NACC2: variants seen among roughly 807,000 people sequenced by gnomAD.
The protein encoded by NACC2 is NACC family member 2.
Under a neutral mutation model 25.1 loss-of-function variants are expected in NACC2, and 8 were observed. The ratio of observed to expected loss-of-function variants is 0.32; its 90% confidence interval spans 0.19 to 0.57. NACC2 has a LOEUF of 0.57. Ranked by LOEUF, NACC2 falls within the 20% of genes least tolerant of loss-of-function variation. NACC2 has a pLI of 0.89. For missense variants in NACC2, 644 were observed against 650.2 expected (o/e 0.99, Z 0.10); for synonymous variants, 435 against 294.7 (o/e 1.48, Z -4.88).
chr9:136,090,108 A>C (rs1830419985), intron 1 of NACC2, among the ~76,000 whole-genome samples: 1 of 152,254 alleles, frequency 6.6e-6, no homozygotes, highest in African/African-American at 2.4e-5. Flanking sequence ...CTGATTTTTT[A>C]ACAGCACAAA....
chr9:136,047,814 G>A (rs950185629), intron 2 of NACC2, among the ~76,000 whole-genome samples: 129 of 152,264 alleles, frequency 8.5e-4, no homozygotes, highest in Non-Finnish European at 1.6e-3. Context: ...ACGAAGTCCA[G>A]GCGATGTGAG....
chr9:136,011,566 G>T lies in NACC2; in HGVS notation c.1714C>A (p.Pro572Thr). ...TCCGGCCTCCGGGCCGCGGCCGCCGGCGTCTGGGGCCTGCTGGGGCCGCCC... is the reference window on the plus strand; with the variant it reads ...TCCGGCCTCCGGGCCGCGGCCGCCGTCGTCTGGGGCCTGCTGGGGCCGCCC... ...GGGGPSRPQTPAAAARRPEGT... is the reference protein window; with the variant it reads ...GGGGPSRPQTTAAAARRPEGT... The change falls in exon 6 of 6, where the codon CCG becomes ACG. Residue 572 changes from proline to threonine, a missense_variant. Coordinates refer to ENST00000277554, the MANE Select transcript of NACC2 (RefSeq NM_144653.5). 7.1e-7 allele frequency: 1 copy of T among 1,408,614 alleles called. No homozygotes were observed. Among genetic ancestry groups the T allele is most frequent in the East Asian group, 2.8e-5 (1 of 36,212 alleles). 87.3% of individuals were successfully genotyped at this position (1,408,614 alleles called of 1,614,324 possible). A position where few individuals can be genotyped will look rare whatever the true frequency, so the allele number is the denominator to read the frequency against.
chr9:136,011,770 C>G lies in NACC2; in HGVS notation c.1510G>C (p.Ala504Pro), dbSNP rs563228054. 6.5e-7 allele frequency: 1 copy of G among 1,531,824 alleles called. No homozygotes were observed. Among genetic ancestry groups the G allele is most frequent in the South Asian group, 1.2e-5 (1 of 82,314 alleles). 94.9% of individuals were successfully genotyped at this position (1,531,824 alleles called of 1,614,324 possible). Residue 504 changes from alanine to proline, a missense_variant, in exon 6 of 6, where the codon GCC becomes CCC. By Grantham distance (27) the Ala-to-Pro change is conservative. Transcript: ENST00000277554. ...TCAGTTCTCAGAGCCACGATGGTGG[C>G]GGCGTCGCCCCGCCGCTCGGCGTAG... ...RIYAERRGDA[A>P]TIVALRTDAV...
intron 1 of NACC2, among the ~76,000 whole-genome samples, chr9:136,057,955 A>G (rs1840951020): frequency 1.3e-5 from 2 of 152,178 alleles, no homozygotes; most frequent in African/African-American, 4.8e-5. Context: ...GCACACTCTC[A>G]TGGTTAATAT....
chr9:136,011,897 C>A lies in NACC2; in HGVS notation c.1383G>T (p.Glu461Asp). 1 of 1,582,340 alleles carries A rather than the reference C, an allele frequency of 6.3e-7. No individual in the cohort carries two copies. ...TGACCGTGCGGTACATCTCCACGCC[C>A]TCCGGCAGCATGGACTTGATCTTGG... ...WLPKIKSMLP[E>D]GVEMYRTVMG... is the part of the protein sequence containing the mutation. Residue 461 changes from glutamate to aspartate, a missense_variant, in exon 6 of 6, where the codon GAG (glutamate) becomes GAT (aspartate). By Grantham distance (45) the Glu-to-Asp change is conservative. Coordinates refer to ENST00000277554, the MANE Select transcript of NACC2 (RefSeq NM_144653.5).
intron 2 of NACC2, among the ~76,000 whole-genome samples, chr9:136,023,031 C>CAGGA (rs1249796536): frequency 2.6e-4 from 4 of 15,122 alleles, no homozygotes; most frequent in African/African-American, 1.1e-3. Context: ...ACATTCACAT[C>CAGGA]AGGAAGGAGG....
intron 2 of NACC2, among the ~76,000 whole-genome samples, chr9:136,039,545 C>T (rs1391525551): frequency 6.6e-6 from 1 of 152,090 alleles, no homozygotes; most frequent in Non-Finnish European, 1.5e-5. Context: ...AGATCAATAA[C>T]CTTCATGAAC....
intron 1 of NACC2, among the ~76,000 whole-genome samples, chr9:136,056,673 C>T (rs547014667): frequency 1.3e-5 from 2 of 152,152 alleles, no homozygotes; most frequent in South Asian, 2.1e-4. Context: ...TCTGGGATGA[C>T]GGGCCCCCTC....
At chr9:136,036,570 T>C (rs1395294860) in intron 2 of NACC2, among the ~76,000 whole-genome samples, 2 of 152,164 alleles carry the variant, frequency 1.3e-5, no homozygotes, top group Non-Finnish European at 2.9e-5. Context: ...TACACACGTA[T>C]ATTAGCTGAC....
In NACC2 at chr9:136,019,254, G is replaced by A. The variant is rs1840250048; in HGVS notation, c.887-2825C>T. 1 of 152,256 alleles carries A rather than the reference G, an allele frequency of 6.6e-6. No individual in the cohort carries two copies. Among genetic ancestry groups the A allele is most frequent in the African/African-American group, 2.4e-5 (1 of 41,464 alleles). 9.4% of individuals were successfully genotyped at this position (152,256 alleles called of 1,614,324 possible). A position where few individuals can be genotyped will look rare whatever the true frequency, so the allele number is the denominator to read the frequency against. ...GAGAGACTTGTTCATGGCAGAGACA[G>A]GACGGCTCATCCCTCGTGGCCCCCG... On this transcript the variant is annotated intron_variant, in intron 2 of 5. Coordinates refer to ENST00000277554, the MANE Select transcript of NACC2 (RefSeq NM_144653.5). The surrounding 1 kb of genome is among the most constrained non-coding windows in gnomAD (Gnocchi z 5.2).
At position 136,013,769 on chromosome 9, in the gene NACC2, T is replaced by C; in HGVS notation, c.1157+95A>G. ...GTCAGGAATGCGAGAGGGCTTTCAATGCCACAACCCTGGACGATCAGACAG... is the reference window on the plus strand; with the variant it reads ...GTCAGGAATGCGAGAGGGCTTTCAACGCCACAACCCTGGACGATCAGACAG... On this transcript the variant is annotated intron_variant, in intron 4 of 5. Coordinates refer to ENST00000277554, the MANE Select transcript of NACC2 (RefSeq NM_144653.5). The surrounding 1 kb of genome is among the most constrained non-coding windows in gnomAD (Gnocchi z 6.6). The C allele has an allele frequency of 8.7e-7, 1 of 1,146,578 alleles. No homozygotes were observed. Among genetic ancestry groups the C allele is most frequent in the Non-Finnish European group, 1.2e-6 (1 of 805,006 alleles). 71.0% of individuals were successfully genotyped at this position (1,146,578 alleles called of 1,614,324 possible). A position where few individuals can be genotyped will look rare whatever the true frequency, so the allele number is the denominator to read the frequency against.
At chr9:136,038,631 A>G (rs1027625452) in intron 2 of NACC2, among the ~76,000 whole-genome samples, 76 of 152,392 alleles carry the variant, frequency 5.0e-4, no homozygotes, top group African/African-American at 1.8e-3. Context: ...AGTTATTAAA[A>G]ATGGAAAAAG....
chr9:136,075,049 T>A (rs1030801018), intron 1 of NACC2, among the ~76,000 whole-genome samples: 2 of 152,206 alleles, frequency 1.3e-5, no homozygotes, highest in African/African-American at 4.8e-5. Context: ...GGACGTGACC[T>A]CCTCCAGGCC....
At chr9:136,044,881 G>A (rs958277020) in intron 2 of NACC2, among the ~76,000 whole-genome samples, 11 of 152,326 alleles carry the variant, frequency 7.2e-5, no homozygotes, top group South Asian at 2.1e-4. Flanking sequence ...GCCCAGGGCC[G>A]GGAGCACCCC....
chr9:136,029,334 A>G (rs1196856127), intron 2 of NACC2, among the ~76,000 whole-genome samples: 1 of 152,184 alleles, frequency 6.6e-6, no homozygotes, highest in Non-Finnish European at 1.5e-5. Context: ...ACCTGCCTGC[A>G]GAGAGGAGCT....
rs573012237 is a variant in NACC2, at chr9:136,086,103, C to T, written c.-60+9086G>A. On this transcript the variant is annotated intron_variant, in intron 1 of 5. Coordinates refer to ENST00000277554, the MANE Select transcript of NACC2 (RefSeq NM_144653.5). The surrounding 1 kb of genome is among the most constrained non-coding windows in gnomAD (Gnocchi z 5.6). Reference sequence around the variant, plus strand: ...CAGGAGCCGCCTCCAGGCCCTTCACCTCGGGCTGGAGAAAACCAAGTCACC... The same window carrying T: ...CAGGAGCCGCCTCCAGGCCCTTCACTTCGGGCTGGAGAAAACCAAGTCACC... Among the ~76,000 whole-genome samples, 51 of 152,370 alleles carry T rather than the reference C, an allele frequency of 3.3e-4. 1 individual carries two copies. Among genetic ancestry groups the T allele is most frequent in the Admixed American group, 6.5e-4 (10 of 15,310 alleles).
chr9:136,043,475 GC>G (rs1360441810), intron 2 of NACC2, among the ~76,000 whole-genome samples: 3 of 152,254 alleles, frequency 2.0e-5, no homozygotes, highest in Admixed American at 2.0e-4. Flanking sequence ...CTGCCGTAAG[GC>G]CGTGGGGCGC....
At chr9:136,048,307 AT>A (rs1588570769) in intron 2 of NACC2, among the ~76,000 whole-genome samples, 1 of 152,170 alleles carries the variant, frequency 6.6e-6, no homozygotes, top group Non-Finnish European at 1.5e-5. Context: ...GAAAGCGCAC[AT>A]GGGGCGGATT....
intron 2 of NACC2, among the ~76,000 whole-genome samples, chr9:136,044,655 C>A (rs1840692955): frequency 6.6e-6 from 1 of 152,230 alleles, no homozygotes; most frequent in South Asian, 2.1e-4. Flanking sequence ...GTGCGATTTG[C>A]ATACTCAGCA....
Sources: gnomAD v4.1 joint callset for allele counts (sites outside exome capture counted in the v4.1 genomes callset) on GRCh38, gnomAD v4.1.1 for gene constraint, Gnocchi (gnomAD v3.1) non-coding constraint, MANE v1.5 for transcripts, NCBI Gene and HGNC (gene_info 2026-07-23, HGNC 2026-07-21) for gene names.